Variants in EMX1 observed in about 807,000 individuals in gnomAD.
The protein encoded by EMX1 is homeobox protein EMX1.
Under a neutral mutation model 20.1 loss-of-function variants are expected in EMX1, and 10 were observed. The observed-to-expected ratio is 0.50, with a 90% confidence interval of 0.31 to 0.84. The LOEUF is 0.84. Ranked by LOEUF, EMX1 falls within the 40% of genes least tolerant of loss-of-function variation. The pLI, the probability that EMX1 is intolerant of heterozygous loss-of-function variation, is 0.05. For missense variants in EMX1, 424 were observed against 431.9 expected (o/e 0.98, Z 0.16); for synonymous variants, 250 against 200.4 (o/e 1.25, Z -2.09).
upstream of EMX1, chr2:72,917,166 C>A (rs1158469097): frequency 1.6e-6 from 1 of 610,950 alleles, no homozygotes; most frequent in Non-Finnish European, 3.0e-6. Context: ...GATCCAAGTT[C>A]TCTGAGAACT....
Position 72,918,116 on chromosome 2 carries a change from C to G in EMX1, c.264C>G (p.Pro88=). 1 of 1,479,110 alleles carries G rather than the reference C, an allele frequency of 6.8e-7. No homozygotes were observed. Among genetic ancestry groups the G allele is most frequent in the Non-Finnish European group, 8.9e-7 (1 of 1,125,822 alleles). The allele number at this position is 1,479,110 out of a possible 1,614,324, so 91.6% of individuals were successfully genotyped here. A position where few individuals can be genotyped will look rare whatever the true frequency, so the allele number is the denominator to read the frequency against. ...LRPTALNYPH[P]SAAEAAFVSG... ...CCACGGCGCTCAACTACCCTCACCC[C>G]AGCGCGGCCGAGGCGGCCTTCGTGA... The change falls in exon 1 of 3, where the codon CCC becomes CCG. Residue 88 remains proline (P), a synonymous_variant. Transcript: ENST00000258106.
In EMX1 at chr2:72,918,037, G is replaced by C; in HGVS notation, c.185G>C (p.Gly62Ala). The change falls in exon 1 of 3, where the codon GGG becomes GCG. Residue 62 changes from glycine to alanine, a missense_variant. Coordinates refer to ENST00000258106, the MANE Select transcript of EMX1 (RefSeq NM_004097.3). The stretch of plus-strand genomic sequence containing the variant: ...GGCACCGGCGGGGGCACTGGCGGCG[G>C]GGGCGCGGGCTCCCATCTCCTGGCG... ...DGGTGGGTGG[G>A]GAGSHLLAAA... 1 of 1,419,374 alleles carries C rather than the reference G, an allele frequency of 7.0e-7. No individual in the cohort carries two copies. Among genetic ancestry groups the C allele is most frequent in the Non-Finnish European group, 9.1e-7 (1 of 1,096,126 alleles). The allele number at this position is 1,419,374 out of a possible 1,614,324, so 87.9% of individuals were successfully genotyped here.
Position 72,929,432 on chromosome 2 carries a change from G to A in EMX1, c.706-4355G>A, listed in dbSNP as rs117331359. ...GCTGGAGGTGACCTCAGCTTACTGA[G>A]GTGAAGGTTGAACTTAGCATGGCAT... On this transcript the variant is annotated intron_variant, in intron 2 of 2. Transcript: ENST00000258106. Among the ~76,000 whole-genome samples, 59 of 152,320 alleles carry A rather than the reference G, an allele frequency of 3.9e-4. 1 individual carries two copies. In the East Asian group the frequency reaches 9.3e-3, roughly 24 times the overall value.
Position 72,925,630 on chromosome 2 carries a change from T to C in EMX1, c.705+1137T>C, listed in dbSNP as rs907001327. On this transcript the variant is annotated intron_variant, in intron 2 of 2. Transcript: ENST00000258106. ...TAGTCTCGACCCTACTACACCACCG[T>C]CCCCTCCCAAGTCCCGGGCAGTGAG... The C allele has an allele frequency of 3.3e-6, 4 of 1,205,024 alleles. No individual in the cohort carries two copies. The African/African-American group carries it at 6.3e-5, about 19-fold the overall frequency. 74.6% of individuals were successfully genotyped at this position (1,205,024 alleles called of 1,614,324 possible). A position where few individuals can be genotyped will look rare whatever the true frequency, so the allele number is the denominator to read the frequency against.
chr2:72,929,338 G>A (rs1490832324), intron 2 of EMX1, among the ~76,000 whole-genome samples: 1 of 152,142 alleles, frequency 6.6e-6, no homozygotes, highest in African/African-American at 2.4e-5. Context: ...ACAGAGGAAG[G>A]GTCCAGGCTG....
intron 1 of EMX1, among the ~76,000 whole-genome samples, chr2:72,919,868 A>C (rs1047111752): frequency 6.6e-6 from 1 of 152,216 alleles, no homozygotes; most frequent in Non-Finnish European, 1.5e-5. Context: ...ACATGAGGAT[A>C]TCTTTAAAAT....
chr2:72,924,272 G>C (rs1342956798), intron 1 of EMX1, 37 bp from the exon 2 acceptor site: 3 of 1,548,976 alleles, frequency 1.9e-6, no homozygotes, highest in Non-Finnish European at 2.6e-6. Context: ...CTCTCTGTCT[G>C]TACCTGCGTG....
intron 2 of EMX1, chr2:72,933,501 G>C (rs1349020909): frequency 2.4e-6 from 1 of 413,498 alleles, no homozygotes; most frequent in East Asian, 4.3e-5. Context: ...GCTGGGGCTA[G>C]AGGAGCTAGG....
In EMX1 at chr2:72,922,448, C is replaced by T. The variant is rs140847962; in HGVS notation, c.521-1861C>T. On this transcript the variant is annotated intron_variant, in intron 1 of 2. Transcript: ENST00000258106. Reference sequence around the variant, plus strand: ...ATCCCAAGTCAAACTTCTCTTCAGTCGGACCTGAGGGCCCTAGATCTGCGC... The same window carrying T: ...ATCCCAAGTCAAACTTCTCTTCAGTTGGACCTGAGGGCCCTAGATCTGCGC... 4.3e-4 allele frequency among the ~76,000 whole-genome samples: 66 copies of T among 152,324 alleles called. 2 individuals carry two copies. The East Asian group carries it at 7.5e-3, about 17-fold the overall frequency.
chr2:72,916,519 C>G, upstream of EMX1: 1 of 598,380 alleles, frequency 1.7e-6, no homozygotes, highest in South Asian at 2.0e-5. Context: ...GGAGTCCCGG[C>G]TCTCACAGCC....
At chr2:72,918,402 G>T in intron 1 of EMX1, 30 bp downstream of exon 1, 1 of 1,362,476 alleles carries the variant, frequency 7.3e-7, no homozygotes, top group Non-Finnish European at 9.4e-7. Flanking sequence ...CCGCCGAGGC[G>T]GCCGGCCGGC....
Position 72,917,948 on chromosome 2 carries a change from G to A in EMX1, c.96G>A (p.Ala32=), listed in dbSNP as rs1260084116. ...TGCCTCGCACAGCTCCCGCGGCTGC[G>A]ACCATGTTCCAGCCCGCGGCCAAGC... The part of the protein sequence containing the change: ...ARLPRTAPAA[A]TMFQPAAKRG... Residue 32 remains alanine (A), a synonymous_variant, in exon 1 of 3, where the codon GCG becomes GCA. Coordinates refer to ENST00000258106, the MANE Select transcript of EMX1 (RefSeq NM_004097.3). 3.4e-6 allele frequency: 5 copies of A among 1,486,246 alleles called. No homozygotes were observed. The highest frequency in any genetic ancestry group is 1.5e-5 in the African/African-American group (1 of 68,588). The allele number at this position is 1,486,246 out of a possible 1,614,324, so 92.1% of individuals were successfully genotyped here.
intron 1 of EMX1, among the ~76,000 whole-genome samples, chr2:72,922,130 C>G (rs1206257311): frequency 6.6e-6 from 1 of 152,226 alleles, no homozygotes. Context: ...TGAGGCCAAA[C>G]CCTGCCAATG....
intron 2 of EMX1, among the ~76,000 whole-genome samples, chr2:72,931,544 G>A (rs951251534): frequency 1.3e-5 from 2 of 152,162 alleles, no homozygotes; most frequent in East Asian, 1.9e-4. Flanking sequence ...GCTCCAGGGT[G>A]GGGGGCAGGG....
At chr2:72,916,405 C>T (rs893243558), upstream of EMX1, 17 of 498,016 alleles carry the variant, frequency 3.4e-5, no homozygotes, top group South Asian at 2.5e-4. Context: ...CTCCGCAGTG[C>T]GCCGGCAAGG....
Position 72,917,949 on chromosome 2 carries a change from A to C in EMX1, c.97A>C (p.Thr33Pro), listed in dbSNP as rs1228153291. The C allele has an allele frequency of 2.7e-6, 4 of 1,486,600 alleles. No individual in the cohort carries two copies. Among genetic ancestry groups the C allele is most frequent in the Non-Finnish European group, 3.6e-6 (4 of 1,126,214 alleles). The allele number at this position is 1,486,600 out of a possible 1,614,324, so 92.1% of individuals were successfully genotyped here. Reference protein sequence around the residue: ...RLPRTAPAAATMFQPAAKRGF... With the variant: ...RLPRTAPAAAPMFQPAAKRGF... ...GCCTCGCACAGCTCCCGCGGCTGCGACCATGTTCCAGCCCGCGGCCAAGCG... is the reference window on the plus strand; with the variant it reads ...GCCTCGCACAGCTCCCGCGGCTGCGCCCATGTTCCAGCCCGCGGCCAAGCG... The change falls in exon 1 of 3, where the codon ACC (threonine) becomes CCC (proline). Residue 33 changes from threonine to proline, a missense_variant. By Grantham distance (38) the Thr-to-Pro change is conservative. This residue lies in a region of EMX1 where 333 missense variants were observed against 296.6 expected (regional missense o/e 1.12). Transcript: ENST00000258106.
At chr2:72,931,701 A>G (rs987558555) in intron 2 of EMX1, among the ~76,000 whole-genome samples, 2 of 152,236 alleles carry the variant, frequency 1.3e-5, no homozygotes, top group African/African-American at 4.8e-5. Context: ...TGTGCAGGCT[A>G]TGGGCTTGGA....
intron 2 of EMX1, 123 bp downstream of exon 2, chr2:72,924,616 A>G (rs1671162993): frequency 3.3e-6 from 4 of 1,209,782 alleles, no homozygotes; most frequent in Admixed American, 2.9e-5. Context: ...AAAGGCCCCC[A>G]TTCCCCGCGG....
upstream of EMX1, chr2:72,917,104 T>C (rs1439155649): frequency 1.6e-6 from 1 of 620,068 alleles, no homozygotes; most frequent in East Asian, 2.8e-5. Context: ...GGCAGAGAGC[T>C]GGTTTTCGGG....
Sources: gnomAD v4.1 joint callset for allele counts (sites outside exome capture counted in the v4.1 genomes callset) on GRCh38, gnomAD v4.1.1 for gene constraint, gnomAD v4.1.1 regional missense constraint, MANE v1.5 for transcripts, NCBI Gene and HGNC (gene_info 2026-07-23, HGNC 2026-07-21) for gene names.